SDK1: variants seen among roughly 807,000 people sequenced by gnomAD.
The protein encoded by SDK1 is sidekick cell adhesion molecule 1, also known as protein sidekick-1.
A neutral mutation model predicts 245.5 loss-of-function variants in SDK1; 157 were observed. The ratio of observed to expected loss-of-function variants is 0.64; its 90% CI spans 0.56 to 0.73. The LOEUF (loss-of-function observed/expected upper bound fraction) is 0.73, where lower values mean the gene tolerates loss of function less well. Among genes scored for constraint, SDK1 ranks in the 30% least tolerant of loss-of-function variants. The pLI is 0.00. For missense variants in SDK1, 3,583 were observed against 3,002.3 expected (o/e 1.19, Z -4.52); for synonymous variants, 1,647 against 1,278.5 (o/e 1.29, Z -6.15).
At chr7:3,977,932 A>G (rs1021035335) in intron 13 of SDK1, among the ~76,000 whole-genome samples, 2 of 151,924 alleles carry the variant, frequency 1.3e-5, no homozygotes, top group African/African-American at 2.4e-5. Flanking sequence ...TCTGTTCCCT[A>G]CTCGTACCTT....
At chr7:4,154,944 C>T (rs547340637) in intron 30 of SDK1, among the ~76,000 whole-genome samples, 1 of 151,966 alleles carries the variant, frequency 6.6e-6, no homozygotes, top group Non-Finnish European at 1.5e-5. Context: ...CAGGAGGGAG[C>T]ATGGCAGGAG....
chr7:4,158,580 C>T (rs1190774901), intron 31 of SDK1, 29 bp downstream of exon 31: 10 of 1,531,224 alleles, frequency 6.5e-6, no homozygotes, highest in Non-Finnish European at 9.0e-6. Flanking sequence ...AGACCGCGTT[C>T]CTGGCCGCTG....
chr7:3,921,836 C>G (rs1214006683), intron 5 of SDK1, among the ~76,000 whole-genome samples: 4 of 152,042 alleles, frequency 2.6e-5, no homozygotes, highest in Non-Finnish European at 5.9e-5. Flanking sequence ...CATGGTGGTG[C>G]GTGCCTGTGG....
At chr7:4,235,257 C>A (rs756274186) in intron 41 of SDK1, among the ~76,000 whole-genome samples, 1 of 152,106 alleles carries the variant, frequency 6.6e-6, no homozygotes, top group Non-Finnish European at 1.5e-5. Flanking sequence ...CTCCGTCTCC[C>A]GGGTTCAAGG....
In SDK1 at chr7:3,614,103, AC is replaced by A. The variant is rs572839174; in HGVS notation, c.299-4976del. Among the ~76,000 whole-genome samples, 3 of 152,308 alleles carry A rather than the reference AC, an allele frequency of 2.0e-5. No individual in the cohort carries two copies. In the South Asian group the frequency reaches 6.2e-4, roughly 32 times the overall value. ...AAGTTTACCTATGTAACAAACCTGCACATCCTGCTGAACCTGAACTTAAAAG... is the reference window on the plus strand; with the variant it reads ...AAGTTTACCTATGTAACAAACCTGCAATCCTGCTGAACCTGAACTTAAAAG... On this transcript the variant is annotated intron_variant, in intron 1 of 44. Coordinates refer to ENST00000404826, the MANE Select transcript of SDK1 (RefSeq NM_152744.4).
chr7:3,400,293 G>A (rs74608728), intron 1 of SDK1, among the ~76,000 whole-genome samples: 1 of 152,068 alleles, frequency 6.6e-6, no homozygotes, highest in South Asian at 2.1e-4. Flanking sequence ...TTAGATTGTT[G>A]TACAGCTTTG....
intron 5 of SDK1, among the ~76,000 whole-genome samples, chr7:3,894,629 C>T (rs1781550689): frequency 6.6e-6 from 1 of 151,804 alleles, no homozygotes; most frequent in Admixed American, 6.6e-5. Context: ...ATCAGATCCA[C>T]AGAAGATACA....
chr7:3,764,815 T>C (rs973514630), intron 4 of SDK1, among the ~76,000 whole-genome samples: 1 of 152,146 alleles, frequency 6.6e-6, no homozygotes, highest in South Asian at 2.1e-4. Flanking sequence ...AATATGTAAA[T>C]TGAATTCAGA....
intron 16 of SDK1, among the ~76,000 whole-genome samples, chr7:4,013,599 A>G (rs1786156286): frequency 6.6e-6 from 1 of 152,218 alleles, no homozygotes; most frequent in Non-Finnish European, 1.5e-5. Flanking sequence ...TTCCCTGTAT[A>G]TATGTGTATA....
At chr7:4,188,046 C>G (rs539135335) in intron 35 of SDK1, among the ~76,000 whole-genome samples, 317 of 152,286 alleles carry the variant, frequency 2.1e-3, no homozygotes, top group African/African-American at 7.3e-3. Flanking sequence ...GACGTATTCA[C>G]TACCATGAGA....
chr7:3,788,545 A>G (rs1333611869), intron 4 of SDK1, among the ~76,000 whole-genome samples: 1 of 152,166 alleles, frequency 6.6e-6, no homozygotes, highest in Non-Finnish European at 1.5e-5. Flanking sequence ...TTCTGATGCC[A>G]TGATTCCTAT....
intron 19 of SDK1, among the ~76,000 whole-genome samples, chr7:4,057,108 G>T (rs1012023537): frequency 1.3e-5 from 2 of 152,208 alleles, no homozygotes; most frequent in African/African-American, 4.8e-5. Context: ...TGGGTCTGAA[G>T]CACACCTCCC....
intron 5 of SDK1, among the ~76,000 whole-genome samples, chr7:3,848,974 GTTTTC>G (rs975555766): frequency 2.0e-5 from 3 of 152,104 alleles, no homozygotes; most frequent in African/African-American, 7.2e-5. Context: ...CCGGCCTGGA[GTTTTC>G]TTTTCTAAAT....
intron 1 of SDK1, among the ~76,000 whole-genome samples, chr7:3,414,042 G>GA (rs1025170421): frequency 7.2e-5 from 11 of 152,158 alleles, no homozygotes; most frequent in African/African-American, 2.7e-4. Flanking sequence ...ATTAAGTGGA[G>GA]AGAGTATGTT....
intron 3 of SDK1, among the ~76,000 whole-genome samples, 161 bp downstream of exon 3, chr7:3,639,271 G>C (rs1162015267): frequency 6.6e-6 from 1 of 152,182 alleles, no homozygotes; most frequent in African/African-American, 2.4e-5. Context: ...TAAGCAGCCA[G>C]CGTGGCTGGC....
chr7:3,342,368 C>G (rs1440632257), intron 1 of SDK1, among the ~76,000 whole-genome samples: 1 of 152,132 alleles, frequency 6.6e-6, no homozygotes, highest in African/African-American at 2.4e-5. Flanking sequence ...GTGGGTGGAT[C>G]ACCTGAGGTC....
At chr7:4,265,003 A>G in intron 44 of SDK1, 121 bp from the exon 45 acceptor site, 1 of 1,433,146 alleles carries the variant, frequency 7.0e-7, no homozygotes, top group Non-Finnish European at 9.3e-7. Flanking sequence ...GGGTGGGGAG[A>G]GGGCTGGAGA....
intron 1 of SDK1, among the ~76,000 whole-genome samples, chr7:3,528,866 CT>C (rs1783243743): frequency 6.6e-6 from 1 of 152,038 alleles, no homozygotes; most frequent in Admixed American, 6.5e-5. Context: ...CCCATTTGGG[CT>C]TTTTATGGGC....
chr7:4,189,128 C>G (rs756489685), intron 35 of SDK1, among the ~76,000 whole-genome samples: 1 of 152,164 alleles, frequency 6.6e-6, no homozygotes, highest in African/African-American at 2.4e-5. Flanking sequence ...AAATCCTCGC[C>G]GTCTTCCTCC....
Sources: allele counts gnomAD v4.1 joint callset (sites outside exome capture counted in the v4.1 genomes callset), GRCh38; gene constraint gnomAD v4.1.1; transcripts MANE v1.5; gene names NCBI Gene and HGNC (gene_info 2026-07-23, HGNC 2026-07-21).